The following KLHL20 variants were observed in gnomAD, a reference collection of about 807,000 sequenced individuals.
KLHL20 encodes kelch like family member 20.
A neutral mutation model predicts 69.5 loss-of-function variants in KLHL20; 29 were observed. The observed-to-expected ratio is 0.42, with a 90% CI of 0.31 to 0.57. KLHL20 has a LOEUF of 0.57. Among genes scored for constraint, KLHL20 ranks in the 20% least tolerant of loss-of-function variants. The pLI is 0.18. For missense variants in KLHL20, 419 were observed against 776.0 expected, an observed-to-expected ratio of 0.54 and a Z score of 5.47; for synonymous variants, 253 against 265.2, an observed-to-expected ratio of 0.95 and a Z score of 0.45.
chr1:173,736,222 G>C (rs1390813640), intron 3 of KLHL20, among the ~76,000 whole-genome samples: 1 of 151,976 alleles, frequency 6.6e-6, no homozygotes, highest in Non-Finnish European at 1.5e-5. Context: ...CCAAAGTGCT[G>C]GGATTACAGG....
At chr1:173,726,563 C>T (rs1224595677) in intron 2 of KLHL20, among the ~76,000 whole-genome samples, 1 of 152,162 alleles carries the variant, frequency 6.6e-6, no homozygotes, top group African/African-American at 2.4e-5. Flanking sequence ...TCCAGAGGAA[C>T]GATCAGGCAG....
chr1:173,717,482 T>G (rs1671523273), intron 2 of KLHL20, among the ~76,000 whole-genome samples: 1 of 152,228 alleles, frequency 6.6e-6, no homozygotes, highest in African/African-American at 2.4e-5. Flanking sequence ...TACTTTCACC[T>G]GCTTCCTACA....
chr1:173,773,076 T>C, intron 8 of KLHL20, among the ~76,000 whole-genome samples: 1 of 152,252 alleles, frequency 6.6e-6, no homozygotes, highest in East Asian at 1.9e-4. Context: ...AATCCCTGCC[T>C]CATCCTCCCA....
rs1672810575 is a variant in KLHL20 at position 173,741,577 on chromosome 1, A to G, written c.597+7291A>G. On this transcript the variant is annotated intron_variant, in intron 3 of 11. Transcript: ENST00000209884. Reference sequence around the variant, plus strand: ...TTCAAAATTTTCTGCATGGTAAAACAAAGCAAAATAAAAATTACAAGACAA... The same window carrying G: ...TTCAAAATTTTCTGCATGGTAAAACGAAGCAAAATAAAAATTACAAGACAA... 6.3e-5 allele frequency: 27 copies of G among 426,460 alleles called. No homozygotes were observed. In the East Asian group the frequency reaches 9.4e-4, roughly 15 times the overall value. 26.4% of individuals were successfully genotyped at this position (426,460 alleles called of 1,614,324 possible).
chr1:173,742,612 T>G (rs1449539686), intron 3 of KLHL20, among the ~76,000 whole-genome samples: 2 of 151,646 alleles, frequency 1.3e-5, no homozygotes, highest in Admixed American at 6.6e-5. Context: ...TACGTATATA[T>G]ACGTGCAGAT....
intron 9 of KLHL20, among the ~76,000 whole-genome samples, chr1:173,774,908 T>C (rs1648358144): frequency 1.3e-5 from 2 of 152,160 alleles, no homozygotes; most frequent in Non-Finnish European, 2.9e-5. Flanking sequence ...CCTCCCGGAC[T>C]CAAGCAATCC....
At chr1:173,780,408 A>G (rs1239421422) in intron 10 of KLHL20, among the ~76,000 whole-genome samples, 1 of 152,224 alleles carries the variant, frequency 6.6e-6, no homozygotes, top group African/African-American at 2.4e-5. Flanking sequence ...GAGTTGGGGC[A>G]GTGAAGAGAC....
chr1:173,742,275 C>T (rs1672839949), intron 3 of KLHL20, among the ~76,000 whole-genome samples: 1 of 152,156 alleles, frequency 6.6e-6, no homozygotes, highest in Non-Finnish European at 1.5e-5. Flanking sequence ...TAAATTAGTA[C>T]AACCCTTTTG....
At chr1:173,782,439 T>G (rs1648938961) in intron 11 of KLHL20, among the ~76,000 whole-genome samples, 3 of 151,914 alleles carry the variant, frequency 2.0e-5, no homozygotes, top group Admixed American at 2.0e-4. Flanking sequence ...AACTGTCCAG[T>G]TTTATAATTA....
chr1:173,780,995 G>C (rs1648834324), intron 10 of KLHL20, among the ~76,000 whole-genome samples: 2 of 143,200 alleles, frequency 1.4e-5, no homozygotes, highest in Admixed American at 1.4e-4. Flanking sequence ...CTGTGAGTGA[G>C]AGAGAGAGAG....
At position 173,774,441 on chromosome 1, in the gene KLHL20, T is replaced by G. The variant is rs1486054572; in HGVS notation, c.1429+3T>G. 1.2e-6 allele frequency: 2 copies of G among 1,613,938 alleles called. No individual in the cohort carries two copies. Among genetic ancestry groups the G allele is most frequent in the African/African-American group, 2.7e-5 (2 of 74,906 alleles). The stretch of plus-strand genomic sequence containing the variant: ...CGGGACATCTCCTCTCAACACAGGT[T>G]AGTCCCTCCCAAAGGCAATCAGGTT... On this transcript the variant is annotated splice_donor_region_variant and intron_variant, in intron 9 of 11. Transcript: ENST00000209884.
At chr1:173,757,476 TC>T in intron 7 of KLHL20, among the ~76,000 whole-genome samples, 1 of 152,068 alleles carries the variant, frequency 6.6e-6, no homozygotes, top group Non-Finnish European at 1.5e-5. Flanking sequence ...TGTTCTTTTT[TC>T]CCTGGGATAC....
In KLHL20 at chr1:173,720,429, G is replaced by A. The variant is rs536985302; in HGVS notation, c.23+4363G>A. 1.4e-4 allele frequency among the ~76,000 whole-genome samples: 21 copies of A among 152,116 alleles called. No homozygotes were observed. The South Asian group carries it at 1.5e-3, about 11-fold the overall frequency. On this transcript the variant is annotated intron_variant, in intron 2 of 11. Coordinates refer to ENST00000209884, the MANE Select transcript of KLHL20 (RefSeq NM_014458.4). ...AGTATAGGGTATTTTGAGGAAGAAG[G>A]GGAAGTAGAAAACATGGAAATTGAG... is the stretch of plus-strand genomic sequence containing the variant.
intron 3 of KLHL20, among the ~76,000 whole-genome samples, chr1:173,743,980 T>C (rs910107080): frequency 6.6e-6 from 1 of 152,136 alleles, no homozygotes; most frequent in African/African-American, 2.4e-5. Flanking sequence ...TAACATCTTA[T>C]ATGAACATGT....
intron 3 of KLHL20, among the ~76,000 whole-genome samples, chr1:173,742,309 C>CAA (rs1250400841): frequency 6.6e-6 from 1 of 152,114 alleles, no homozygotes; most frequent in Non-Finnish European, 1.5e-5. Context: ...CGGTATCTAT[C>CAA]AAAGTTACAT....
At chr1:173,730,830 A>G (rs1257407803) in intron 2 of KLHL20, among the ~76,000 whole-genome samples, 1 of 152,220 alleles carries the variant, frequency 6.6e-6, no homozygotes, top group Non-Finnish European at 1.5e-5. Context: ...CATGTCTAAA[A>G]CACCAACAGC....
intron 5 of KLHL20, among the ~76,000 whole-genome samples, chr1:173,755,247 C>T (rs1022502999): frequency 4.6e-5 from 7 of 151,964 alleles, no homozygotes; most frequent in Non-Finnish European, 8.8e-5. Context: ...TTAGTAGAGA[C>T]GGGGTTTCAC....
intron 7 of KLHL20, among the ~76,000 whole-genome samples, chr1:173,759,588 T>G (rs954349321): frequency 6.6e-6 from 1 of 152,056 alleles, no homozygotes; most frequent in Admixed American, 6.6e-5. Context: ...CAGAGCTGAG[T>G]AGACTTGCTG....
In KLHL20 at chr1:173,716,031, C is replaced by G; in HGVS notation, c.-13C>G. ...CGGCTTTAGAGTGTGGTGAAGGGTACTTTTCATGGTGCATGGAAGGAAAGC... is the reference window on the plus strand; with the variant it reads ...CGGCTTTAGAGTGTGGTGAAGGGTAGTTTTCATGGTGCATGGAAGGAAAGC... On this transcript the variant is annotated 5_prime_UTR_variant, in exon 2 of 12. Transcript: ENST00000209884. 3.7e-6 allele frequency: 6 copies of G among 1,613,316 alleles called. No individual in the cohort carries two copies. The highest frequency in any genetic ancestry group is 3.4e-6 in the Non-Finnish European group (4 of 1,179,556).
Sources: gnomAD v4.1 joint callset for allele counts (sites outside exome capture counted in the v4.1 genomes callset) on GRCh38, gnomAD v4.1.1 for gene constraint, MANE v1.5 for transcripts, NCBI Gene and HGNC (gene_info 2026-07-23, HGNC 2026-07-21) for gene names.